BICC1: variants seen among roughly 807,000 people sequenced by gnomAD.
BICC1 encodes the protein protein bicaudal C homolog 1.
Under a neutral mutation model 111.0 loss-of-function variants are expected in BICC1, and 43 were observed. The observed-to-expected ratio is 0.39, with a 90% confidence interval of 0.30 to 0.50. The LOEUF (loss-of-function observed/expected upper bound fraction) is 0.50. BICC1 is among the 20% of genes least tolerant of loss of function. The pLI is 0.88. For missense variants in BICC1, 1,091 were observed against 1,203.2 expected (o/e 0.91, Z 1.38); for synonymous variants, 467 against 434.4 (o/e 1.07, Z -0.93).
intron 1 of BICC1, among the ~76,000 whole-genome samples, chr10:58,525,693 C>T (rs1842517103): frequency 9.1e-6 from 1 of 110,140 alleles, no homozygotes; most frequent in Non-Finnish European, 2.1e-5. Flanking sequence ...GTACATGTAC[C>T]CTAAAACTTT....
intron 3 of BICC1, among the ~76,000 whole-genome samples, chr10:58,729,479 T>C (rs1841218811): frequency 6.6e-6 from 1 of 152,232 alleles, no homozygotes; most frequent in Non-Finnish European, 1.5e-5. Flanking sequence ...TGTGGCTTCT[T>C]ACATTTTCTA....
In BICC1 at chr10:58,701,551, C is replaced by T. The variant is rs574481919; in HGVS notation, c.238-523C>T. The stretch of plus-strand genomic sequence containing the variant: ...AAGGATGATGGGGAATGCAGTCTTA[C>T]GACGTGATGTCGCGTTTAGAGGGTT... On this transcript the variant is annotated intron_variant, in intron 2 of 20. Transcript: ENST00000373886. 7.2e-5 allele frequency among the ~76,000 whole-genome samples: 11 copies of T among 152,148 alleles called. No individual in the cohort carries two copies. The South Asian group carries it at 1.5e-3, about 20-fold the overall frequency.
At chr10:58,638,310 A>G (rs867823200) in intron 2 of BICC1, among the ~76,000 whole-genome samples, 1 of 151,884 alleles carries the variant, frequency 6.6e-6, no homozygotes, top group African/African-American at 2.4e-5. Context: ...GTAAGTAATT[A>G]CAGAGTTAAA....
intron 3 of BICC1, among the ~76,000 whole-genome samples, chr10:58,763,328 A>G (rs1219896881): frequency 5.3e-5 from 8 of 152,232 alleles, no homozygotes; most frequent in Admixed American, 4.6e-4. Flanking sequence ...GGGTTAGTCA[A>G]CCTTCACAAG....
At chr10:58,660,601 T>C (rs1838811164) in intron 2 of BICC1, among the ~76,000 whole-genome samples, 1 of 152,180 alleles carries the variant, frequency 6.6e-6, no homozygotes, top group African/African-American at 2.4e-5. Context: ...CCTCAGTGTA[T>C]TAACTTTATG....
At chr10:58,794,413 A>G (rs1218295707) in intron 9 of BICC1, among the ~76,000 whole-genome samples, 1 of 149,870 alleles carries the variant, frequency 6.7e-6, no homozygotes, top group Non-Finnish European at 1.5e-5. Context: ...AATTTAATGG[A>G]ATAAATGTTT....
At chr10:58,581,928 C>T (rs528612446) in intron 1 of BICC1, among the ~76,000 whole-genome samples, 34 of 152,132 alleles carry the variant, frequency 2.2e-4, no homozygotes, top group Non-Finnish European at 3.8e-4. Flanking sequence ...GTTACGATAA[C>T]GGATTTTTTC....
At chr10:58,631,505 G>C (rs118166084) in intron 2 of BICC1, among the ~76,000 whole-genome samples, 5,166 of 145,914 alleles carry the variant, frequency 0.035, 278 homozygotes, top group Admixed American at 0.16. Context: ...CTTTTTTTTT[G>C]TGAAATCAAA....
chr10:58,807,237 C>CT, intron 17 of BICC1, 79 bp downstream of exon 17: 1 of 1,353,106 alleles, frequency 7.4e-7, no homozygotes, highest in Non-Finnish European at 1.0e-6. Context: ...CACCCTCATT[C>CT]TTTATGTACC....
At chr10:58,679,664 G>T (rs997151044) in intron 2 of BICC1, among the ~76,000 whole-genome samples, 8 of 152,176 alleles carry the variant, frequency 5.3e-5, no homozygotes, top group Admixed American at 1.3e-4. Flanking sequence ...GAAAAAGAGA[G>T]ACTCCTCTCT....
intron 1 of BICC1, among the ~76,000 whole-genome samples, chr10:58,619,399 TA>T (rs1369130542): frequency 6.6e-6 from 1 of 151,978 alleles, no homozygotes; most frequent in African/African-American, 2.4e-5. Context: ...TATTTAACTG[TA>T]AAATTTAAGT....
intron 2 of BICC1, chr10:58,648,380 T>A (rs1280455642): frequency 3.0e-6 from 1 of 331,674 alleles, no homozygotes; most frequent in African/African-American, 2.2e-5. Context: ...TTCACCTATG[T>A]TAAATGTCAT....
intron 2 of BICC1, among the ~76,000 whole-genome samples, chr10:58,642,287 C>T (rs574507050): frequency 1.4e-4 from 21 of 152,158 alleles, no homozygotes; most frequent in African/African-American, 2.4e-4. Context: ...TCCTGAGTTC[C>T]GAAAGAGGCT....
intron 3 of BICC1, among the ~76,000 whole-genome samples, chr10:58,777,805 G>A (rs1842787535): frequency 1.3e-5 from 2 of 152,122 alleles, no homozygotes; most frequent in Admixed American, 6.6e-5. Context: ...GATACTAATG[G>A]TAACATTAAT....
chr10:58,549,869 G>A (rs1234968233), intron 1 of BICC1, among the ~76,000 whole-genome samples: 2 of 151,556 alleles, frequency 1.3e-5, no homozygotes, highest in South Asian at 2.1e-4. Flanking sequence ...TGTATTTTTA[G>A]TAGAGACGGG....
chr10:58,713,788 G>A (rs1840650035), intron 3 of BICC1, among the ~76,000 whole-genome samples: 1 of 152,196 alleles, frequency 6.6e-6, no homozygotes, highest in Admixed American at 6.5e-5. Flanking sequence ...TTAGAAGTGT[G>A]CTAGACCTCT....
chr10:58,662,633 A>T (rs923875037), intron 2 of BICC1, among the ~76,000 whole-genome samples: 3 of 152,206 alleles, frequency 2.0e-5, no homozygotes, highest in Non-Finnish European at 2.9e-5. Context: ...AGGGCATGAC[A>T]TGACCCCTGA....
At chr10:58,698,720 C>T (rs577815620) in intron 2 of BICC1, among the ~76,000 whole-genome samples, 3 of 152,246 alleles carry the variant, frequency 2.0e-5, no homozygotes, top group Non-Finnish European at 4.4e-5. Context: ...AATACAAGGG[C>T]TAATATCAAG....
intron 2 of BICC1, among the ~76,000 whole-genome samples, chr10:58,649,278 C>T (rs973260796): frequency 6.6e-6 from 1 of 152,074 alleles, no homozygotes; most frequent in Non-Finnish European, 1.5e-5. Flanking sequence ...GTTGATGTGC[C>T]CCAATGCCTA....
Sources: gnomAD v4.1 joint callset for allele counts (sites outside exome capture counted in the v4.1 genomes callset) on GRCh38, gnomAD v4.1.1 for gene constraint, MANE v1.5 for transcripts, NCBI Gene and HGNC (gene_info 2026-07-23, HGNC 2026-07-21) for gene names.